ARHGAP6: variants seen among roughly 807,000 people sequenced by gnomAD.
The protein encoded by ARHGAP6 is rho GTPase-activating protein 6.
A neutral mutation model predicts 55.7 loss-of-function variants in ARHGAP6; 16 were observed. That is an observed-to-expected ratio of 0.29 (90% CI 0.19 to 0.44). ARHGAP6 has a LOEUF of 0.44. Ranked by LOEUF, ARHGAP6 falls within the 20% of genes least tolerant of loss-of-function variation. The probability of loss-of-function intolerance (pLI) is 1.00; values close to 1 mark genes in which losing one functional copy is unlikely to be tolerated. For missense variants in ARHGAP6, 698 were observed against 808.9 expected (o/e 0.86, Z 1.66); for synonymous variants, 382 against 360.9 (o/e 1.06, Z -0.66).
At chrX:11,608,925 G>A (rs149386590) in intron 1 of ARHGAP6, among the ~76,000 whole-genome samples, 5 of 111,362 alleles carry the variant, frequency 4.5e-5, no homozygotes, top group South Asian at 3.8e-4. Context: ...GTGTAAAAAC[G>A]GACTAATACA....
intron 1 of ARHGAP6, among the ~76,000 whole-genome samples, chrX:11,334,056 C>T (rs2048597339): frequency 9.1e-6 from 1 of 110,004 alleles, no homozygotes; most frequent in Non-Finnish European, 1.9e-5. Flanking sequence ...CCCAATGTCG[C>T]TACATGTTCT....
intron 1 of ARHGAP6, among the ~76,000 whole-genome samples, chrX:11,358,477 C>T (rs867060802): frequency 5.1e-5 from 4 of 78,000 alleles, no homozygotes; most frequent in African/African-American, 5.6e-5. Context: ...TTCTTTCTTT[C>T]TTTCTTTCTT....
At chrX:11,189,021 G>GA in intron 3 of ARHGAP6, 37 bp from the exon 4 acceptor site, 2 of 1,190,049 alleles carry the variant, frequency 1.7e-6, no homozygotes, top group East Asian at 5.9e-5. Context: ...TTCAGAGACT[G>GA]ACTGGTCCAG....
At chrX:11,313,077 G>A (rs1056592545) in intron 1 of ARHGAP6, among the ~76,000 whole-genome samples, 3 of 112,368 alleles carry the variant, frequency 2.7e-5, no homozygotes, top group Admixed American at 9.4e-5. Flanking sequence ...ACCTTAAGAG[G>A]TAGGTACTGT....
chrX:11,639,235 T>A (rs1274755121), intron 1 of ARHGAP6, among the ~76,000 whole-genome samples: 1 of 100,509 alleles, frequency 9.9e-6, no homozygotes, highest in African/African-American at 4.1e-5. Flanking sequence ...TATTGTACTT[T>A]AAGTTCTAGG....
intron 1 of ARHGAP6, among the ~76,000 whole-genome samples, chrX:11,575,013 C>G (rs1000457381): frequency 8.9e-6 from 1 of 112,187 alleles, no homozygotes; most frequent in Non-Finnish European, 1.9e-5. Flanking sequence ...CACAAGAAGA[C>G]AGAGATGGCT....
At chrX:11,615,910 G>A (rs1015687395) in intron 1 of ARHGAP6, among the ~76,000 whole-genome samples, 4 of 111,845 alleles carry the variant, frequency 3.6e-5, no homozygotes, top group African/African-American at 1.3e-4. Context: ...CAAGGTCACA[G>A]TAATGTATGG....
At chrX:11,531,415 G>C (rs1037938705) in intron 1 of ARHGAP6, among the ~76,000 whole-genome samples, 6 of 110,786 alleles carry the variant, frequency 5.4e-5, no homozygotes, top group Non-Finnish European at 9.5e-5. Flanking sequence ...TTTAGAGTGG[G>C]GACTGGCTGC....
chrX:11,488,251 A>G (rs2050531116), intron 1 of ARHGAP6, among the ~76,000 whole-genome samples: 1 of 111,921 alleles, frequency 8.9e-6, no homozygotes. Context: ...AATGGCTATC[A>G]GGAACCATGC....
intron 1 of ARHGAP6, among the ~76,000 whole-genome samples, chrX:11,337,299 A>G (rs1463321973): frequency 9.0e-6 from 1 of 111,689 alleles, no homozygotes; most frequent in Non-Finnish European, 1.9e-5. Flanking sequence ...TACGTCACCT[A>G]GCAATGATCA....
At chrX:11,576,311 G>A (rs994663562) in intron 1 of ARHGAP6, among the ~76,000 whole-genome samples, 1 of 111,997 alleles carries the variant, frequency 8.9e-6, no homozygotes, top group African/African-American at 3.2e-5. Flanking sequence ...ACACCATTGT[G>A]TATGGCATAT....
At chrX:11,184,828 A>G (rs993217950) in intron 5 of ARHGAP6, among the ~76,000 whole-genome samples, 18 of 111,910 alleles carry the variant, frequency 1.6e-4, no homozygotes, top group African/African-American at 5.5e-4. Context: ...CCGGTTTTCA[A>G]GCTTCCAAAG....
intron 1 of ARHGAP6, among the ~76,000 whole-genome samples, chrX:11,468,997 G>C (rs898985492): frequency 5.3e-5 from 6 of 112,298 alleles, no homozygotes; most frequent in Non-Finnish European, 1.1e-4. Context: ...ATGATGATAT[G>C]AGTGAAGGCA....
chrX:11,641,439 G>A (rs904560745), intron 1 of ARHGAP6, among the ~76,000 whole-genome samples: 1 of 111,501 alleles, frequency 9.0e-6, no homozygotes, highest in Non-Finnish European at 1.9e-5. Context: ...TATTGACAAC[G>A]GTGGCTAGTA....
At chrX:11,281,776 T>A (rs2047858812) in intron 1 of ARHGAP6, among the ~76,000 whole-genome samples, 1 of 111,799 alleles carries the variant, frequency 8.9e-6, no homozygotes, top group Non-Finnish European at 1.9e-5. Context: ...CTAATGAATT[T>A]TTATAGTGTT....
intron 1 of ARHGAP6, among the ~76,000 whole-genome samples, chrX:11,482,175 T>C (rs1044341264): frequency 3.6e-5 from 4 of 111,944 alleles, no homozygotes; most frequent in Admixed American, 2.8e-4. Flanking sequence ...TACTAAATAT[T>C]CTACAGTGCG....
chrX:11,265,565 T>C, intron 1 of ARHGAP6: 1 of 484,373 alleles, frequency 2.1e-6, no homozygotes, highest in African/African-American at 2.7e-5. Flanking sequence ...GTCACACATC[T>C]CAGACACTGA....
chrX:11,220,646 A>G (rs1274849135), intron 2 of ARHGAP6, among the ~76,000 whole-genome samples: 9 of 110,913 alleles, frequency 8.1e-5, no homozygotes, highest in Admixed American at 1.9e-4. Flanking sequence ...TAAACATGGA[A>G]AGGAACAACC....
intron 10 of ARHGAP6, among the ~76,000 whole-genome samples, chrX:11,151,181 C>T (rs2045770713): frequency 9.0e-6 from 1 of 111,331 alleles, no homozygotes; most frequent in African/African-American, 3.3e-5. Context: ...ATTTTAAGTA[C>T]CTTTGAAGAA....
Sources: allele counts gnomAD v4.1 joint callset (sites outside exome capture counted in the v4.1 genomes callset), GRCh38; gene constraint gnomAD v4.1.1; transcripts MANE v1.5; gene names NCBI Gene and HGNC (gene_info 2026-07-23, HGNC 2026-07-21).